MYLK3: variants seen among roughly 807,000 people sequenced by gnomAD.
MYLK3 encodes myosin light chain kinase 3, also known as MLC kinase.
MYLK3 carries 55 observed loss-of-function variants against 76.3 expected under a neutral mutation model. That is an observed-to-expected ratio of 0.72 (90% CI 0.58 to 0.90). The LOEUF (loss-of-function observed/expected upper bound fraction) is 0.90. Among genes scored for constraint, MYLK3 ranks in the 40% least tolerant of loss-of-function variants. The pLI is 0.00. For synonymous variants in MYLK3, 416 were observed against 425.4 expected, an observed-to-expected ratio of 0.98 and a Z score of 0.27; for missense variants, 973 against 1,053.6, an observed-to-expected ratio of 0.92 and a Z score of 1.06.
intron 3 of MYLK3, among the ~76,000 whole-genome samples, chr16:46,736,808 C>A (rs1037166831): frequency 2.0e-5 from 3 of 152,198 alleles, no homozygotes; most frequent in African/African-American, 7.2e-5. Flanking sequence ...ACACCAGGTC[C>A]CTCCGAGAGA....
At chr16:46,734,646 C>A (rs1045432283) in intron 3 of MYLK3, among the ~76,000 whole-genome samples, 6 of 151,970 alleles carry the variant, frequency 3.9e-5, no homozygotes, top group African/African-American at 1.5e-4. Flanking sequence ...AAGACAAATC[C>A]TGTATGATTC....
chr16:46,719,554 G>A (rs1894052771), intron 9 of MYLK3, among the ~76,000 whole-genome samples: 2 of 152,074 alleles, frequency 1.3e-5, no homozygotes, highest in Admixed American at 6.6e-5. Context: ...AGCTCTCCAG[G>A]CGCACAGTAT....
chr16:46,749,416 C>T (rs1596775599), upstream of MYLK3, among the ~76,000 whole-genome samples: 1 of 152,252 alleles, frequency 6.6e-6, no homozygotes, highest in East Asian at 1.9e-4. Flanking sequence ...CCTCAAGCTT[C>T]CCCCTTCTGA....
At chr16:46,716,497 A>ATGTGTGTGTGTGTGTGTGTG (rs869246629) in intron 9 of MYLK3, among the ~76,000 whole-genome samples, 1 of 21,602 alleles carries the variant, frequency 4.6e-5, no homozygotes, top group African/African-American at 7.1e-5. Flanking sequence ...GTGTATATAT[A>ATGTGTGTGTGTGTGTGTGTG]TGTGTGTGTG....
At chr16:46,752,483 C>A (rs1267007562), upstream of MYLK3, among the ~76,000 whole-genome samples, 1 of 152,102 alleles carries the variant, frequency 6.6e-6, no homozygotes, top group Non-Finnish European at 1.5e-5. Context: ...CCCCATGACA[C>A]AAGTTTACTT....
chr16:46,720,860 C>T (rs1966792025), intron 9 of MYLK3, among the ~76,000 whole-genome samples: 1 of 152,186 alleles, frequency 6.6e-6, no homozygotes, highest in African/African-American at 2.4e-5. Flanking sequence ...TTCACCATCA[C>T]TCTCCTCTCT....
chr16:46,738,293 T>C (rs1421384562), intron 2 of MYLK3, 150 bp from the exon 3 acceptor site: 3 of 657,808 alleles, frequency 4.6e-6, no homozygotes, highest in Non-Finnish European at 7.5e-6. Context: ...GCTGGTTGAC[T>C]AAACCATGAT....
intron 1 of MYLK3, among the ~76,000 whole-genome samples, chr16:46,743,764 C>CA (rs1258942474): frequency 6.6e-6 from 1 of 151,648 alleles, no homozygotes; most frequent in African/African-American, 2.4e-5. Flanking sequence ...AAGAAAAAGG[C>CA]AAAAAAACAA....
At chr16:46,753,092 T>A (rs370305903), upstream of MYLK3, among the ~76,000 whole-genome samples, 1 of 152,208 alleles carries the variant, frequency 6.6e-6, no homozygotes, top group South Asian at 2.1e-4. Flanking sequence ...GAGAGGTAAC[T>A]GGAGAAACAA....
intron 7 of MYLK3, 93 bp downstream of exon 7, chr16:46,728,931 G>A: frequency 1.1e-6 from 1 of 918,866 alleles, no homozygotes; most frequent in Non-Finnish European, 1.8e-6. Context: ...GAAGGGGAAA[G>A]GAGAGAGAGG....
In MYLK3 at chr16:46,710,492, T is replaced by A. The variant is rs1488008221; in HGVS notation, c.2267+145A>T. 12 of 874,220 alleles carry A rather than the reference T, an allele frequency of 1.4e-5. No individual in the cohort carries two copies. In the South Asian group the frequency reaches 1.8e-4, roughly 13 times the overall value. 54.2% of individuals were successfully genotyped at this position (874,220 alleles called of 1,614,324 possible). ...TTTGTCCCTTTCTCTGTTCCCTTTATTTTTCCAAAGAAGTAGCAAACTAAG... is the reference window on the plus strand; with the variant it reads ...TTTGTCCCTTTCTCTGTTCCCTTTAATTTTCCAAAGAAGTAGCAAACTAAG... On this transcript the variant is annotated intron_variant, in intron 11 of 12. Coordinates refer to ENST00000394809, the MANE Select transcript of MYLK3 (RefSeq NM_182493.3).
At chr16:46,735,846 G>A (rs1966866128) in intron 3 of MYLK3, among the ~76,000 whole-genome samples, 1 of 152,214 alleles carries the variant, frequency 6.6e-6, no homozygotes, top group African/African-American at 2.4e-5. Flanking sequence ...ACTTCCAGGG[G>A]CATGAAGTGA....
intron 1 of MYLK3, among the ~76,000 whole-genome samples, chr16:46,746,286 G>A (rs550797177): frequency 2.0e-5 from 3 of 152,192 alleles, no homozygotes; most frequent in African/African-American, 7.2e-5. Flanking sequence ...AGAGAATAAT[G>A]ACAAGAAAGA....
chr16:46,727,356 G>A lies in MYLK3; in HGVS notation c.1794C>T (p.Phe598=), dbSNP rs754031727. ...VMEYVDGGEL[F]DRITDEKYHL... ...GGTACTTCTCATCTGTGATCCGGTC[G>A]AAGAGCTCACCCCCGTCCACGCTGC... Residue 598 remains phenylalanine, a synonymous_variant, in exon 8 of 13, where the codon TTC becomes TTT. Coordinates refer to ENST00000394809, the MANE Select transcript of MYLK3 (RefSeq NM_182493.3). 1.7e-5 allele frequency: 27 copies of A among 1,612,334 alleles called. No homozygotes were observed. In the East Asian group the frequency reaches 3.6e-4, roughly 21 times the overall value.
rs1246939575 is a variant in MYLK3, at chr16:46,706,094, T to C, written c.*1610A>G. On this transcript the variant is annotated 3_prime_UTR_variant, in exon 13 of 13. Coordinates refer to ENST00000394809, the MANE Select transcript of MYLK3 (RefSeq NM_182493.3). The stretch of plus-strand genomic sequence containing the variant: ...AAATGTACAGTGGACCCTTGAACAA[T>C]GTGAGGGTTAGGAGTGCCTACCCCC... The C allele has an allele frequency of 3.3e-5, 5 of 152,030 alleles. No individual in the cohort carries two copies. Among genetic ancestry groups the C allele is most frequent in the African/African-American group, 1.2e-4 (5 of 41,370 alleles). 9.4% of individuals were successfully genotyped at this position (152,030 alleles called of 1,614,324 possible). A position where few individuals can be genotyped will look rare whatever the true frequency, so the allele number is the denominator to read the frequency against.
intron 1 of MYLK3, among the ~76,000 whole-genome samples, chr16:46,746,926 C>CCGACACAGAGTCAAG (rs1967035964): frequency 6.6e-6 from 1 of 152,158 alleles, no homozygotes; most frequent in Admixed American, 6.5e-5. Flanking sequence ...CGGCAGGCAG[C>CCGACACAGAGTCAAG]CGACACAGAG....
chr16:46,756,082 T>C (rs555045359), intron 1 of MYLK3, among the ~76,000 whole-genome samples: 17 of 151,916 alleles, frequency 1.1e-4, no homozygotes, highest in Admixed American at 3.3e-4. Context: ...GCTAATTTTT[T>C]GTATTTCAGT....
At chr16:46,737,134 T>C (rs1156873435) in intron 3 of MYLK3, among the ~76,000 whole-genome samples, 1 of 152,216 alleles carries the variant, frequency 6.6e-6, no homozygotes, top group Admixed American at 6.5e-5. Context: ...GGTGCAGTGA[T>C]TGGGGCACAG....
intron 11 of MYLK3, 139 bp from the exon 12 acceptor site, chr16:46,709,810 G>GAAC: frequency 9.9e-7 from 1 of 1,014,756 alleles, no homozygotes; most frequent in Non-Finnish European, 1.4e-6. Context: ...ACCAAAAAGG[G>GAAC]AACTCCTTGT....
Sources: gnomAD v4.1 joint callset for allele counts (sites outside exome capture counted in the v4.1 genomes callset) on GRCh38, gnomAD v4.1.1 for gene constraint, MANE v1.5 for transcripts, NCBI Gene and HGNC (gene_info 2026-07-23, HGNC 2026-07-21) for gene names.